Variants in MED12L observed in about 807,000 individuals in gnomAD.
MED12L encodes mediator complex subunit 12L.
MED12L carries 60 observed loss-of-function variants against 281.3 expected under a neutral mutation model. The ratio of observed to expected loss-of-function variants is 0.21; its 90% CI spans 0.17 to 0.26. MED12L has a LOEUF of 0.26. Among genes scored for constraint, MED12L ranks in the 10% least tolerant of loss-of-function variants. MED12L has a pLI of 1.00. For synonymous variants in MED12L, 974 were observed against 987.2 expected (o/e 0.99, Z 0.25); for missense variants, 2,146 against 2,680.9 (o/e 0.80, Z 4.41).
chr3:151,144,113 C>A (rs1717427508), intron 5 of MED12L, among the ~76,000 whole-genome samples: 2 of 151,868 alleles, frequency 1.3e-5, no homozygotes, highest in South Asian at 4.1e-4. Flanking sequence ...TAGAAGGAAG[C>A]CCCCGAAACT....
intron 20 of MED12L, among the ~76,000 whole-genome samples, chr3:151,358,380 C>A (rs925287325): frequency 6.6e-6 from 1 of 151,948 alleles, no homozygotes; most frequent in African/African-American, 2.4e-5. Flanking sequence ...GAGATTCAGG[C>A]CTGTTAAGTG....
chr3:151,252,108 C>G (rs1348081578), intron 16 of MED12L, among the ~76,000 whole-genome samples: 2 of 152,130 alleles, frequency 1.3e-5, no homozygotes, highest in Non-Finnish European at 2.9e-5. Flanking sequence ...TCCTGGACCA[C>G]CCATCCCCTC....
At chr3:151,328,361 G>A (rs1158305647) in intron 16 of MED12L, 2 of 1,609,170 alleles carry the variant, frequency 1.2e-6, no homozygotes, top group Admixed American at 1.7e-5. Context: ...TACTTTTTTT[G>A]CAATAACCAC....
At chr3:151,408,587 C>G (rs1181443407) in intron 39 of MED12L, among the ~76,000 whole-genome samples, 1 of 152,104 alleles carries the variant, frequency 6.6e-6, no homozygotes, top group Non-Finnish European at 1.5e-5. Context: ...TACCATTGCT[C>G]TTGTGAATAT....
At chr3:151,230,571 T>C (rs1390533767) in intron 16 of MED12L, among the ~76,000 whole-genome samples, 2 of 121,708 alleles carry the variant, frequency 1.6e-5, no homozygotes, top group Non-Finnish European at 3.3e-5. Context: ...TACTCCACGC[T>C]TTTTTTTTTT....
chr3:151,429,305 C>T (rs999122481), intron 43 of MED12L, among the ~76,000 whole-genome samples: 2 of 152,168 alleles, frequency 1.3e-5, no homozygotes, highest in East Asian at 3.9e-4. Flanking sequence ...AGTCGGAGGG[C>T]AGAGGAGCCA....
chr3:151,335,375 A>G (rs996219824), intron 16 of MED12L, among the ~76,000 whole-genome samples: 5 of 152,224 alleles, frequency 3.3e-5, no homozygotes, highest in Non-Finnish European at 5.9e-5. Flanking sequence ...AAAACAAAAC[A>G]TTCCTAAATC....
chr3:151,352,134 A>G (rs774065740), intron 17 of MED12L, among the ~76,000 whole-genome samples: 21 of 152,190 alleles, frequency 1.4e-4, no homozygotes, highest in Non-Finnish European at 3.1e-4. Flanking sequence ...TTATATACAT[A>G]CCCTGAAGGT....
chr3:151,229,399 C>A (rs943037631), intron 16 of MED12L, among the ~76,000 whole-genome samples: 1 of 150,406 alleles, frequency 6.6e-6, no homozygotes, highest in Non-Finnish European at 1.5e-5. Context: ...CCTCGCCTCC[C>A]GGGTTCAAGC....
chr3:151,288,192 A>G (rs996481852), intron 16 of MED12L, among the ~76,000 whole-genome samples: 2 of 152,248 alleles, frequency 1.3e-5, no homozygotes, highest in African/African-American at 4.8e-5. Flanking sequence ...GGCTGGGACC[A>G]TGAATGCTTT....
chr3:151,415,705 G>T (rs189804397), intron 42 of MED12L, among the ~76,000 whole-genome samples: 176 of 152,276 alleles, frequency 1.2e-3, no homozygotes, highest in African/African-American at 3.8e-3. Context: ...TCTCCTCTGT[G>T]TCCCACCTTG....
intron 16 of MED12L, among the ~76,000 whole-genome samples, chr3:151,264,545 GT>G (rs1359988580): frequency 6.6e-6 from 1 of 152,188 alleles, no homozygotes; most frequent in Non-Finnish European, 1.5e-5. Context: ...AGTATGGAGA[GT>G]TTTCTCATTT....
chr3:151,365,351 C>T, intron 22 of MED12L, 145 bp downstream of exon 22: 2 of 640,340 alleles, frequency 3.1e-6, no homozygotes, highest in Non-Finnish European at 2.7e-6. Flanking sequence ...CCTTAATTTA[C>T]CTCTGCACTA....
chr3:151,351,268 G>A (rs1180817331), intron 17 of MED12L, among the ~76,000 whole-genome samples: 1 of 152,196 alleles, frequency 6.6e-6, no homozygotes, highest in Non-Finnish European at 1.5e-5. Context: ...TGGTGCACAT[G>A]CAGAAACATG....
At chr3:151,372,415 T>C in intron 26 of MED12L, 152 bp from the exon 27 acceptor site, 1 of 618,348 alleles carries the variant, frequency 1.6e-6, no homozygotes, top group Non-Finnish European at 2.8e-6. Flanking sequence ...TTTATGCTCT[T>C]GATCCATTCT....
At chr3:151,276,936 G>A (rs1260065758) in intron 16 of MED12L, among the ~76,000 whole-genome samples, 1 of 151,932 alleles carries the variant, frequency 6.6e-6, no homozygotes, top group Non-Finnish European at 1.5e-5. Context: ...TCACTCTCTC[G>A]CCCAGACTGG....
chr3:151,347,925 A>G (rs1415655128), intron 16 of MED12L, among the ~76,000 whole-genome samples: 1 of 152,122 alleles, frequency 6.6e-6, no homozygotes, highest in Admixed American at 6.5e-5. Flanking sequence ...TCTTACCCCA[A>G]GCTTGGGCTA....
rs1173031527 is a variant in MED12L at position 151,434,894 on chromosome 3, C to CT, written c.*2096dup. On this transcript the variant is annotated 3_prime_UTR_variant, in exon 45 of 45. Transcript: ENST00000687756. ...TGCACATGAAAGCTGTGGGGCATAT[C>CT]TTTTTTCTTTTTTTAGGTGAGGAAG... The CT allele has an allele frequency of 6.6e-6, 1 of 152,038 alleles. No individual in the cohort carries two copies. Among genetic ancestry groups the CT allele is most frequent in the African/African-American group, 2.4e-5 (1 of 41,418 alleles). The allele number at this position is 152,038 out of a possible 1,614,324, so 9.4% of individuals were successfully genotyped here.
chr3:151,315,950 C>G (rs1748172537), intron 16 of MED12L, among the ~76,000 whole-genome samples: 1 of 152,168 alleles, frequency 6.6e-6, no homozygotes, highest in South Asian at 2.1e-4. Flanking sequence ...ACTGAGATCT[C>G]CATGCTTGCT....
Sources: gnomAD v4.1 joint callset for allele counts (sites outside exome capture counted in the v4.1 genomes callset) on GRCh38, gnomAD v4.1.1 for gene constraint, MANE v1.5 for transcripts, NCBI Gene and HGNC (gene_info 2026-07-23, HGNC 2026-07-21) for gene names.